Variants in MACF1 observed in about 807,000 individuals in gnomAD.
MACF1 encodes the protein microtubule-actin cross-linking factor 1.
MACF1 carries 193 observed loss-of-function variants against 854.8 expected under a neutral mutation model. The ratio of observed to expected loss-of-function variants is 0.23; its 90% CI spans 0.20 to 0.25. The LOEUF (loss-of-function observed/expected upper bound fraction) is 0.25. Among genes scored for constraint, MACF1 ranks in the 10% least tolerant of loss-of-function variants. MACF1 has a pLI of 1.00. For synonymous variants in MACF1, 3,185 were observed against 3,226.7 expected (o/e 0.99, Z 0.44); for missense variants, 7,722 against 8,929.1 (o/e 0.86, Z 5.45).
chr1:39,448,590 A>G lies in MACF1; in HGVS notation c.20089-4A>G, dbSNP rs752188684. 2.7e-6 allele frequency: 4 copies of G among 1,509,056 alleles called. No individual in the cohort carries two copies. Among genetic ancestry groups the G allele is most frequent in the Middle Eastern group, 1.8e-4 (1 of 5,616 alleles). The allele number at this position is 1,509,056 out of a possible 1,614,324, so 93.5% of individuals were successfully genotyped here. On this transcript the variant is annotated splice_region_variant and splice_polypyrimidine_tract_variant and intron_variant, in intron 83 of 100. Transcript: ENST00000564288. Reference sequence around the variant, plus strand: ...ACTTTTTTCTTTTCTTTCTGGAAACATAGGAGTTTCAGAAGACTCTTGGTG... The same window carrying G: ...ACTTTTTTCTTTTCTTTCTGGAAACGTAGGAGTTTCAGAAGACTCTTGGTG...
chr1:39,249,955 T>C, intron 2 of MACF1, 59 bp from the exon 3 acceptor site: 1 of 865,036 alleles, frequency 1.2e-6, no homozygotes. Context: ...GATTTTTATG[T>C]GGATAGTATA....
chr1:39,289,261 G>A (rs1195332434), intron 15 of MACF1, among the ~76,000 whole-genome samples: 1 of 152,138 alleles, frequency 6.6e-6, no homozygotes, highest in Non-Finnish European at 1.5e-5. Flanking sequence ...CCCAGCAGTG[G>A]GATTGCTGGA....
chr1:39,357,082 C>G (rs1010444369), intron 44 of MACF1, among the ~76,000 whole-genome samples: 1 of 152,138 alleles, frequency 6.6e-6, no homozygotes, highest in African/African-American at 2.4e-5. Flanking sequence ...CTACTTCTAG[C>G]TTATAGGTAG....
chr1:39,291,998 A>C lies in MACF1; in HGVS notation c.1874A>C (p.Glu625Ala), dbSNP rs1282341923. The stretch of plus-strand genomic sequence containing the variant: ...CAGCAGCACATCCATACGAGTGTAG[A>C]AGAGCTGGGCTCAAGTGTCAAGGAG... ...ETQQHIHTSV[E>A]ELGSSVKEAR... Residue 625 changes from glutamate to alanine, a missense_variant, in exon 16 of 101, where the codon GAA becomes GCA. Coordinates refer to ENST00000564288, the MANE Select transcript of MACF1 (RefSeq NM_001394062.1). 1.2e-6 allele frequency: 2 copies of C among 1,614,126 alleles called. No homozygotes were observed. Among genetic ancestry groups the C allele is most frequent in the Admixed American group, 3.3e-5 (2 of 60,010 alleles).
In MACF1 at chr1:39,340,616, C is replaced by A. The variant is rs1349689732; in HGVS notation, c.10330C>A (p.Leu3444Ile). 1.9e-6 allele frequency: 3 copies of A among 1,614,166 alleles called. No individual in the cohort carries two copies. The highest frequency in any genetic ancestry group is 3.3e-4 in the Middle Eastern group (2 of 6,062). ...AGTTCCTGCTCAACTGTTGAAGGCT[C>A]TAGAGAAAGATGCCAAGAATCTTCA... ...QEVPAQLLKA[L>I]EKDAKNLQKS... is the part of the protein sequence containing the mutation. The change falls in exon 39 of 101, where the codon CTA (leucine) becomes ATA (isoleucine). Residue 3444 changes from leucine (L) to isoleucine (I), a missense_variant. Leu to Ile is a conservative substitution (Grantham distance 5, BLOSUM62 2). This residue lies in a region of MACF1 where 854 missense variants were observed against 852.6 expected (regional missense o/e 1.00). Coordinates refer to ENST00000564288, the MANE Select transcript of MACF1 (RefSeq NM_001394062.1).
intron 1 of MACF1, among the ~76,000 whole-genome samples, chr1:39,214,625 G>A (rs1168820638): frequency 6.6e-6 from 1 of 152,186 alleles, no homozygotes; most frequent in African/African-American, 2.4e-5. Flanking sequence ...TGGCTGAGGC[G>A]AGGCTGGCTG....
intron 47 of MACF1, 122 bp from the exon 48 acceptor site, chr1:39,360,671 T>TATAATA (rs149306191): frequency 5.3e-4 from 140 of 263,498 alleles, no homozygotes; most frequent in East Asian, 1.7e-3. Flanking sequence ...ACCACATCCA[T>TATAATA]ATAATAATAA....
chr1:39,333,129 G>A lies in MACF1; in HGVS notation c.6541G>A (p.Glu2181Lys). Residue 2181 changes from glutamate (E) to lysine (K), a missense_variant, in exon 37 of 101, where the codon GAA becomes AAA. By Grantham distance (56) the Glu-to-Lys change is moderately conservative. Around this residue, in one of 15 missense-constraint regions of MACF1, gnomAD observed 1,531 missense variants for 1,601.6 expected, o/e 0.96. Coordinates refer to ENST00000564288, the MANE Select transcript of MACF1 (RefSeq NM_001394062.1). ...QNEQAHTLET[E>K]YIHDETGGSH... is the part of the protein sequence containing the mutation. ...TGAACAAGCACACACTCTTGAGACT[G>A]AATATATTCATGATGAAACTGGAGG... 1.2e-6 allele frequency: 2 copies of A among 1,614,044 alleles called. No homozygotes were observed. The highest frequency in any genetic ancestry group is 8.5e-7 in the Non-Finnish European group (1 of 1,180,026).
chr1:39,442,610 G>T, intron 77 of MACF1, 43 bp downstream of exon 77: 1 of 1,612,304 alleles, frequency 6.2e-7, no homozygotes, highest in South Asian at 1.1e-5. Flanking sequence ...ATTGATTTGA[G>T]ACCAGATGCT....
chr1:39,361,564 A>C lies in MACF1; in HGVS notation c.12658A>C (p.Met4220Leu). The C allele has an allele frequency of 3.7e-6, 6 of 1,614,210 alleles. No homozygotes were observed. Among genetic ancestry groups the C allele is most frequent in the Non-Finnish European group, 5.1e-6 (6 of 1,180,038 alleles). ...AAAGAAGCTTCTACCCCAGGCAGAGATGTTTGAACACCTCTCTGGTAAGCT... is the reference window on the plus strand; with the variant it reads ...AAAGAAGCTTCTACCCCAGGCAGAGCTGTTTGAACACCTCTCTGGTAAGCT... Reference protein sequence around the residue: ...SLKKLLPQAEMFEHLSGKLQQ... With the variant: ...SLKKLLPQAELFEHLSGKLQQ... Residue 4220 changes from methionine to leucine, a missense_variant, in exon 49 of 101, where the codon ATG (methionine) becomes CTG (leucine). Physicochemically the swap from Met to Leu is conservative, Grantham distance 15. Around this residue, in one of 15 missense-constraint regions of MACF1, gnomAD observed 2,807 missense variants for 3,235.8 expected, o/e 0.87. Transcript: ENST00000564288.
intron 58 of MACF1, among the ~76,000 whole-genome samples, chr1:39,407,256 C>T (rs572264774): frequency 3.0e-4 from 46 of 152,228 alleles, no homozygotes; most frequent in African/African-American, 9.9e-4. Context: ...TAAGGAGATA[C>T]CCAGAACAAG....
At chr1:39,455,608 G>C (rs1414391654) in intron 89 of MACF1, among the ~76,000 whole-genome samples, 1 of 152,148 alleles carries the variant, frequency 6.6e-6, no homozygotes. Flanking sequence ...TCAAGGGAGG[G>C]GGATTACATA....
chr1:39,200,903 G>A (rs748158686), upstream of MACF1, among the ~76,000 whole-genome samples: 2 of 151,944 alleles, frequency 1.3e-5, no homozygotes, highest in African/African-American at 4.8e-5. Flanking sequence ...GGCGAAACCC[G>A]GTTTCTACCA....
Position 39,465,117 on chromosome 1 carries a change from A to T in MACF1, c.21771+5A>T. The T allele has an allele frequency of 1.9e-6, 3 of 1,612,800 alleles. No individual in the cohort carries two copies. The highest frequency in any genetic ancestry group is 2.5e-6 in the Non-Finnish European group (3 of 1,179,046). Reference sequence around the variant, plus strand: ...TAGTTCTTCCTCGGCAATCAGGTACAGTGTGCCTTGCAATGTTCTCCTTCT... The same window carrying T: ...TAGTTCTTCCTCGGCAATCAGGTACTGTGTGCCTTGCAATGTTCTCCTTCT... On this transcript the variant is annotated splice_donor_5th_base_variant and intron_variant, in intron 95 of 100. Coordinates refer to ENST00000564288, the MANE Select transcript of MACF1 (RefSeq NM_001394062.1).
chr1:39,130,985 G>A (rs1440166263), intron 2 of MACF1, among the ~76,000 whole-genome samples: 1 of 151,522 alleles, frequency 6.6e-6, no homozygotes, highest in Non-Finnish European at 1.5e-5. Flanking sequence ...GGGATTACAG[G>A]CATTACAGAC....
At chr1:39,479,242 C>T (rs562014293) in intron 97 of MACF1, among the ~76,000 whole-genome samples, 4 of 152,228 alleles carry the variant, frequency 2.6e-5, no homozygotes, top group East Asian at 1.9e-4. Flanking sequence ...CTCTCCCCAC[C>T]GACATGTTTA....
chr1:39,331,564 G>A lies in MACF1; in HGVS notation c.4976G>A (p.Gly1659Glu), dbSNP rs1346728865. 4 of 1,614,052 alleles carry A rather than the reference G, an allele frequency of 2.5e-6. No homozygotes were observed. In the African/African-American group the frequency reaches 5.3e-5, roughly 22 times the overall value. ...LKILEAHLAT[G>E]GFSLSPSENC... The stretch of plus-strand genomic sequence containing the variant: ...ATCTTAGAAGCTCACCTGGCAACTG[G>A]AGGTTTCAGTCTTTCCCCTAGTGAG... Residue 1659 changes from glycine to glutamate, a missense_variant, in exon 37 of 101, where the codon GGA (glycine) becomes GAA (glutamate). By Grantham distance (98) the Gly-to-Glu change is moderately conservative. Coordinates refer to ENST00000564288, the MANE Select transcript of MACF1 (RefSeq NM_001394062.1).
chr1:39,361,069 GA>G, intron 48 of MACF1, 68 bp downstream of exon 48: 3 of 1,352,922 alleles, frequency 2.2e-6, no homozygotes, highest in Non-Finnish European at 3.1e-6. Flanking sequence ...ACATAATGTT[GA>G]AAAAGTAACA....
At chr1:39,381,477 C>T (rs1259110328) in intron 55 of MACF1, among the ~76,000 whole-genome samples, 1 of 151,020 alleles carries the variant, frequency 6.6e-6, no homozygotes, top group Non-Finnish European at 1.5e-5. Flanking sequence ...AGCAATCTTC[C>T]TGCTTCAGCC....
Sources: gnomAD v4.1 joint callset for allele counts (sites outside exome capture counted in the v4.1 genomes callset) on GRCh38, gnomAD v4.1.1 for gene constraint, gnomAD v4.1.1 regional missense constraint, MANE v1.5 for transcripts, NCBI Gene and HGNC (gene_info 2026-07-23, HGNC 2026-07-21) for gene names.